The following KCNC2 variants were observed in gnomAD, a reference collection of about 807,000 sequenced individuals.
KCNC2 encodes potassium voltage-gated channel subfamily C member 2.
A neutral mutation model predicts 44.5 loss-of-function variants in KCNC2; 21 were observed. That is an observed-to-expected ratio of 0.47 (90% confidence interval 0.33 to 0.68). The LOEUF is 0.68. Among genes scored for constraint, KCNC2 ranks in the 30% least tolerant of loss-of-function variants. The probability of loss-of-function intolerance (pLI) is 0.01; values close to 1 mark genes in which losing one functional copy is unlikely to be tolerated. For synonymous variants in KCNC2, 391 were observed against 339.1 expected (o/e 1.15, Z -1.68); for missense variants, 589 against 826.2 (o/e 0.71, Z 3.52).
intron 2 of KCNC2, among the ~76,000 whole-genome samples, chr12:75,145,007 T>C (rs188998930): frequency 4.0e-4 from 61 of 152,224 alleles, no homozygotes; most frequent in Non-Finnish European, 7.2e-4. Flanking sequence ...TTCTCACAAA[T>C]CCATTGAGGA....
At chr12:75,125,637 T>G (rs185037709) in intron 2 of KCNC2, among the ~76,000 whole-genome samples, 3 of 152,334 alleles carry the variant, frequency 2.0e-5, no homozygotes, top group Admixed American at 1.3e-4. Context: ...GCCTTCTGTT[T>G]TCATATCACT....
intron 4 of KCNC2, among the ~76,000 whole-genome samples, chr12:75,046,258 T>G (rs1880498061): frequency 6.6e-6 from 1 of 151,798 alleles, no homozygotes; most frequent in Non-Finnish European, 1.5e-5. Flanking sequence ...TAAGATTGCA[T>G]GTATAAATTT....
intron 2 of KCNC2, among the ~76,000 whole-genome samples, chr12:75,061,566 TACACACACAC>T (rs59052402): frequency 0.19 from 27,729 of 143,184 alleles, 2,990 homozygotes; most frequent in Admixed American, 0.29. Context: ...AAGTGACAAG[TACACACACAC>T]ACACACACAC....
At chr12:75,117,215 C>T (rs573841547) in intron 2 of KCNC2, among the ~76,000 whole-genome samples, 5 of 152,266 alleles carry the variant, frequency 3.3e-5, no homozygotes, top group African/African-American at 7.2e-5. Flanking sequence ...TGCTTTCCGA[C>T]GCTTTGAGAA....
At chr12:75,076,694 T>C (rs745559024) in intron 2 of KCNC2, among the ~76,000 whole-genome samples, 5 of 152,230 alleles carry the variant, frequency 3.3e-5, no homozygotes, top group Admixed American at 2.6e-4. Flanking sequence ...GAATATTAGA[T>C]TCTTGATACG....
intron 2 of KCNC2, among the ~76,000 whole-genome samples, chr12:75,091,987 T>G (rs1258038951): frequency 6.6e-6 from 1 of 151,702 alleles, no homozygotes; most frequent in Non-Finnish European, 1.5e-5. Flanking sequence ...ATTTCTATAT[T>G]CTGATTTCCC....
intron 2 of KCNC2, among the ~76,000 whole-genome samples, chr12:75,078,929 A>G (rs1047285332): frequency 7.2e-5 from 11 of 152,194 alleles, no homozygotes; most frequent in Non-Finnish European, 1.5e-4. Flanking sequence ...AAATTCCTTC[A>G]GATTCTAGCT....
chr12:75,154,792 G>T (rs563277667), intron 2 of KCNC2, among the ~76,000 whole-genome samples: 1 of 151,904 alleles, frequency 6.6e-6, no homozygotes, highest in East Asian at 1.9e-4. Flanking sequence ...TGGTACTGGT[G>T]CTATAAAACT....
chr12:75,109,069 G>T (rs559583693), intron 2 of KCNC2, among the ~76,000 whole-genome samples: 38 of 152,252 alleles, frequency 2.5e-4, no homozygotes, highest in African/African-American at 9.1e-4. Flanking sequence ...TGGGCAGGCT[G>T]CTTATGTATC....
intron 2 of KCNC2, among the ~76,000 whole-genome samples, chr12:75,140,899 AC>A (rs757835620): frequency 4.1e-4 from 62 of 151,992 alleles, no homozygotes; most frequent in Non-Finnish European, 7.8e-4. Context: ...CAAAAAACAA[AC>A]TTATGCTTTA....
At position 75,201,279 on chromosome 12, in the gene KCNC2, AAAAAAAAAAAAAAAAAAAAC is replaced by A. The variant is rs1395677413; in HGVS notation, c.687+5998_687+6017del. ...CGAAATTGGAAAAAAAAAAAAAAAA[AAAAAAAAAAAAAAAAAAAAC>A]CAGATTCTGGTTTACTTTATTAGTG... On this transcript the variant is annotated intron_variant, in intron 2 of 4. Coordinates refer to ENST00000549446, the MANE Select transcript of KCNC2 (RefSeq NM_139137.4). Among the ~76,000 whole-genome samples the A allele has an allele frequency of 2.1e-4, 26 of 123,738 alleles. 1 individual carries two copies. Among genetic ancestry groups the A allele is most frequent in the South Asian group, 2.1e-3 (8 of 3,852 alleles). The allele number at this position is 123,738 out of a possible 152,430, so 81.2% of individuals were successfully genotyped here.
chr12:75,184,818 C>T (rs1416782610), intron 2 of KCNC2, among the ~76,000 whole-genome samples: 1 of 152,034 alleles, frequency 6.6e-6, no homozygotes, highest in Non-Finnish European at 1.5e-5. Flanking sequence ...ACTTAAGTGC[C>T]TGCTTGTGAA....
At chr12:75,175,117 T>C (rs1350414749) in intron 2 of KCNC2, among the ~76,000 whole-genome samples, 1 of 151,794 alleles carries the variant, frequency 6.6e-6, no homozygotes, top group Admixed American at 6.6e-5. Context: ...ACCTGAAGGA[T>C]CAATGCAGAC....
chr12:75,041,601 A>G lies in KCNC2; in HGVS notation c.*1504T>C. 9.7e-7 allele frequency: 1 copy of G among 1,032,868 alleles called. No individual in the cohort carries two copies. Among genetic ancestry groups the G allele is most frequent in the Non-Finnish European group, 1.2e-6 (1 of 857,332 alleles). 64.0% of individuals were successfully genotyped at this position (1,032,868 alleles called of 1,614,324 possible). On this transcript the variant is annotated 3_prime_UTR_variant, in exon 5 of 5. Transcript: ENST00000549446. ...GAGACACGCTATTGCTGTTGAATTCATAGGAATGCATAAATAGACTTTCTT... is the reference window on the plus strand; with the variant it reads ...GAGACACGCTATTGCTGTTGAATTCGTAGGAATGCATAAATAGACTTTCTT...
chr12:75,119,142 A>T (rs778556041), intron 2 of KCNC2, among the ~76,000 whole-genome samples: 5 of 152,210 alleles, frequency 3.3e-5, no homozygotes, highest in Non-Finnish European at 7.3e-5. Context: ...GTATCCTTTA[A>T]GTCATTTCCT....
intron 2 of KCNC2, among the ~76,000 whole-genome samples, chr12:75,197,152 C>G (rs946049950): frequency 1.4e-4 from 21 of 151,978 alleles, no homozygotes; most frequent in Non-Finnish European, 7.4e-5. Flanking sequence ...TTGTGAACTG[C>G]AAATTTTAAG....
intron 2 of KCNC2, among the ~76,000 whole-genome samples, chr12:75,201,752 C>T (rs2031296036): frequency 6.6e-6 from 1 of 151,882 alleles, no homozygotes; most frequent in Non-Finnish European, 1.5e-5. Context: ...AAAAGCAGTG[C>T]TTTTCTGTCT....
intron 2 of KCNC2, among the ~76,000 whole-genome samples, chr12:75,143,613 C>A (rs774834190): frequency 1.3e-5 from 2 of 152,120 alleles, no homozygotes; most frequent in Non-Finnish European, 2.9e-5. Context: ...CCTTAACATT[C>A]ATCTAATCAA....
chr12:75,195,564 A>G (rs965572753), intron 2 of KCNC2, among the ~76,000 whole-genome samples: 1 of 152,000 alleles, frequency 6.6e-6, no homozygotes, highest in Non-Finnish European at 1.5e-5. Context: ...CTCCTACCTA[A>G]TTAGTCAAAA....
Sources: gnomAD v4.1 joint callset for allele counts (sites outside exome capture counted in the v4.1 genomes callset) on GRCh38, gnomAD v4.1.1 for gene constraint, MANE v1.5 for transcripts, NCBI Gene and HGNC (gene_info 2026-07-23, HGNC 2026-07-21) for gene names.